MAGI1: variants seen among roughly 807,000 people sequenced by gnomAD.
MAGI1 encodes the protein membrane-associated guanylate kinase, WW and PDZ domain-containing protein 1.
Under a neutral mutation model 139.9 loss-of-function variants are expected in MAGI1, and 58 were observed. The ratio of observed to expected loss-of-function variants is 0.41; its 90% CI spans 0.34 to 0.52. The LOEUF (loss-of-function observed/expected upper bound fraction) is 0.52, where lower values mean the gene tolerates loss of function less well. MAGI1 is among the 20% of genes least tolerant of loss of function. The pLI, the probability that MAGI1 is intolerant of heterozygous loss-of-function variation, is 0.12. For missense variants in MAGI1, 1,874 were observed against 1,901.6 expected (o/e 0.99, Z 0.27); for synonymous variants, 812 against 737.9 (o/e 1.10, Z -1.63).
At chr3:65,516,950 G>A (rs1016710496) in intron 2 of MAGI1, among the ~76,000 whole-genome samples, 1 of 150,850 alleles carries the variant, frequency 6.6e-6, no homozygotes, top group African/African-American at 2.4e-5. Flanking sequence ...GGATGGTCTC[G>A]ATCTCCTGAC....
At chr3:65,401,745 A>G in intron 12 of MAGI1, 6 of 1,444,930 alleles carry the variant, frequency 4.2e-6, no homozygotes, top group Non-Finnish European at 5.5e-6. Context: ...CACAGACCTC[A>G]GCGGCCTGGG....
chr3:65,831,916 C>T (rs771841419), intron 1 of MAGI1, among the ~76,000 whole-genome samples: 7 of 152,242 alleles, frequency 4.6e-5, no homozygotes, highest in Non-Finnish European at 8.8e-5. Context: ...AATTCACATA[C>T]TTTACCCATT....
intron 2 of MAGI1, among the ~76,000 whole-genome samples, chr3:65,566,739 G>C (rs1473396323): frequency 2.0e-5 from 3 of 152,064 alleles, no homozygotes; most frequent in Admixed American, 1.3e-4. Flanking sequence ...TTTTTAAATG[G>C]CATTGCTTCT....
chr3:65,745,962 T>C (rs2035675815), intron 1 of MAGI1, among the ~76,000 whole-genome samples: 1 of 152,172 alleles, frequency 6.6e-6, no homozygotes, highest in East Asian at 1.9e-4. Flanking sequence ...ACTCCTGGCC[T>C]AAAGTGATCT....
intron 1 of MAGI1, among the ~76,000 whole-genome samples, chr3:65,737,531 A>G (rs1346841052): frequency 6.6e-6 from 1 of 152,242 alleles, no homozygotes; most frequent in African/African-American, 2.4e-5. Context: ...GAAATAAGAC[A>G]ATAATGTAAC....
intron 14 of MAGI1, chr3:65,387,038 T>C (rs1474071169): frequency 1.1e-5 from 11 of 981,310 alleles, no homozygotes; most frequent in Non-Finnish European, 1.7e-5. Flanking sequence ...TGCCCCTTTT[T>C]TCTTCCCTCT....
At chr3:65,751,405 G>T (rs1357149098) in intron 1 of MAGI1, among the ~76,000 whole-genome samples, 2 of 152,212 alleles carry the variant, frequency 1.3e-5, no homozygotes, top group Admixed American at 6.5e-5. Context: ...AGAGCACACA[G>T]TGTCTCTCCC....
intron 1 of MAGI1, among the ~76,000 whole-genome samples, chr3:65,849,826 T>C (rs1020268426): frequency 1.3e-5 from 2 of 152,186 alleles, no homozygotes; most frequent in Non-Finnish European, 2.9e-5. Flanking sequence ...TCCTTCCTTT[T>C]TCCAGGTTCC....
intron 6 of MAGI1, among the ~76,000 whole-genome samples, chr3:65,452,094 C>A (rs1949065712): frequency 6.6e-6 from 1 of 151,928 alleles, no homozygotes; most frequent in Non-Finnish European, 1.5e-5. Flanking sequence ...CTGTTCTATT[C>A]CTTCTTCAGG....
intron 1 of MAGI1, among the ~76,000 whole-genome samples, chr3:65,646,135 C>G (rs1356096266): frequency 7.9e-5 from 12 of 151,544 alleles, no homozygotes; most frequent in Non-Finnish European, 1.8e-4. Context: ...AAACATAACC[C>G]AACTATATTA....
chr3:65,877,922 T>C (rs2060178453), intron 1 of MAGI1, among the ~76,000 whole-genome samples: 1 of 151,898 alleles, frequency 6.6e-6, no homozygotes, highest in Non-Finnish European at 1.5e-5. Context: ...GCCTGGGCAA[T>C]ATGGTGAGAC....
chr3:65,929,372 C>A (rs890394285), intron 1 of MAGI1, among the ~76,000 whole-genome samples: 1 of 150,760 alleles, frequency 6.6e-6, no homozygotes, highest in South Asian at 2.1e-4. Flanking sequence ...GACCGAGTCT[C>A]GCTCTGTCAC....
intron 1 of MAGI1, among the ~76,000 whole-genome samples, chr3:66,021,653 A>AC (rs1165579070): frequency 1.3e-5 from 2 of 151,976 alleles, no homozygotes; most frequent in East Asian, 3.9e-4. Context: ...CAGAGTCCAC[A>AC]CCCCCAGGAT....
intron 18 of MAGI1, chr3:65,371,790 C>A (rs1942027869): frequency 8.3e-6 from 2 of 241,932 alleles, no homozygotes; most frequent in Non-Finnish European, 1.7e-5. Context: ...TCTCAAGAAA[C>A]CATTTTCTTT....
chr3:65,728,515 A>G (rs2033851658), intron 1 of MAGI1, among the ~76,000 whole-genome samples: 1 of 152,156 alleles, frequency 6.6e-6, no homozygotes, highest in African/African-American at 2.4e-5. Flanking sequence ...AGATGAAGAG[A>G]AGTAATTCAC....
chr3:65,551,084 A>G (rs1181394885), intron 2 of MAGI1, among the ~76,000 whole-genome samples: 1 of 152,102 alleles, frequency 6.6e-6, no homozygotes. Flanking sequence ...GTGGAGGGAG[A>G]CAGGTAACTG....
chr3:66,002,010 C>G (rs2066766466), intron 1 of MAGI1, among the ~76,000 whole-genome samples: 1 of 152,136 alleles, frequency 6.6e-6, no homozygotes, highest in Admixed American at 6.6e-5. Flanking sequence ...CTTATAAGCC[C>G]CAGTGTGCTC....
chr3:65,653,262 A>G (rs2085685433), intron 1 of MAGI1, among the ~76,000 whole-genome samples: 1 of 151,928 alleles, frequency 6.6e-6, no homozygotes, highest in Admixed American at 6.6e-5. Context: ...GAATGAGCCC[A>G]CTCTTTTCCA....
intron 22 of MAGI1, chr3:65,360,239 C>T: frequency 1.0e-6 from 1 of 985,220 alleles, no homozygotes. Context: ...ATAGATAAAT[C>T]CCTAATAAAG....
Sources: allele counts gnomAD v4.1 joint callset (sites outside exome capture counted in the v4.1 genomes callset), GRCh38; gene constraint gnomAD v4.1.1; transcripts MANE v1.5; gene names NCBI Gene and HGNC (gene_info 2026-07-23, HGNC 2026-07-21).